The following GLIS3 variants were observed in gnomAD, a reference collection of about 807,000 sequenced individuals.
GLIS3 encodes zinc finger protein GLIS3.
A neutral mutation model predicts 78.6 loss-of-function variants in GLIS3; 53 were observed. That is an observed-to-expected ratio of 0.67 (90% CI 0.54 to 0.85). The LOEUF is 0.85. Ranked by LOEUF, GLIS3 falls within the 40% of genes least tolerant of loss-of-function variation. The pLI is 0.00. For missense variants in GLIS3, 1,703 were observed against 1,231.1 expected (o/e 1.38, Z -5.74); for synonymous variants, 684 against 509.9 (o/e 1.34, Z -4.60).
chr9:3,942,016 A>G (rs1815961128), intron 4 of GLIS3, among the ~76,000 whole-genome samples: 1 of 152,220 alleles, frequency 6.6e-6, no homozygotes, highest in African/African-American at 2.4e-5. Flanking sequence ...AAGGCTCATT[A>G]GACACCATTA....
chr9:3,946,339 G>A (rs999650457), intron 4 of GLIS3, among the ~76,000 whole-genome samples: 1 of 152,230 alleles, frequency 6.6e-6, no homozygotes, highest in East Asian at 1.9e-4. Flanking sequence ...TAAATGCTAA[G>A]GAAAATGGAG....
intron 2 of GLIS3, among the ~76,000 whole-genome samples, chr9:4,186,846 G>C (rs1333028157): frequency 6.6e-6 from 1 of 152,014 alleles, no homozygotes; most frequent in African/African-American, 2.4e-5. Flanking sequence ...TGATGGGGTT[G>C]TTTTTTTCTT....
At chr9:4,235,429 T>A (rs1451477210) in intron 2 of GLIS3, among the ~76,000 whole-genome samples, 1 of 152,210 alleles carries the variant, frequency 6.6e-6, no homozygotes, top group Non-Finnish European at 1.5e-5. Context: ...GCAACTTTTA[T>A]CAACTTTAAG....
At chr9:4,303,379 A>AAAATTTCCATTTT (rs1478595195), upstream of GLIS3, among the ~76,000 whole-genome samples, 3 of 152,110 alleles carry the variant, frequency 2.0e-5, no homozygotes, top group Non-Finnish European at 4.4e-5. Flanking sequence ...TGTAAAATGG[A>AAAATTTCCATTTT]AAATTTCCAT....
intron 9 of GLIS3, among the ~76,000 whole-genome samples, chr9:3,833,909 T>A (rs1416735249): frequency 1.3e-5 from 2 of 152,192 alleles, no homozygotes; most frequent in South Asian, 2.1e-4. Flanking sequence ...GAAGTTTTTT[T>A]TCCCCCTCCT....
chr9:4,327,851 G>A (rs1456371169), intron 2 of GLIS3, among the ~76,000 whole-genome samples: 6 of 152,214 alleles, frequency 3.9e-5, no homozygotes, highest in Admixed American at 6.5e-5. Context: ...TGAAGGTTGC[G>A]ATCAGTGACC....
chr9:4,020,181 A>G (rs182930276), intron 4 of GLIS3, among the ~76,000 whole-genome samples: 2 of 152,324 alleles, frequency 1.3e-5, no homozygotes, highest in Admixed American at 1.3e-4. Context: ...GGAACAGCCC[A>G]TGCAAGGAAG....
intron 4 of GLIS3, among the ~76,000 whole-genome samples, chr9:4,012,600 A>G (rs1040015312): frequency 6.6e-6 from 1 of 152,190 alleles, no homozygotes; most frequent in African/African-American, 2.4e-5. Flanking sequence ...ACTAGTGTGT[A>G]AAAACATTCT....
chr9:4,348,463 C>T (rs1587398178), upstream of GLIS3: 1 of 152,340 alleles, frequency 6.6e-6, no homozygotes, highest in East Asian at 1.9e-4. Context: ...AGTCAGCCCC[C>T]TTTAAGAAGT....
At chr9:3,858,814 G>C (rs12345831) in intron 8 of GLIS3, among the ~76,000 whole-genome samples, 3,828 of 152,174 alleles carry the variant, frequency 0.025, 173 homozygotes, top group African/African-American at 0.085. Flanking sequence ...AAGTAGATAG[G>C]AAGCCACCAC....
chr9:3,990,840 A>G (rs1369718598), intron 4 of GLIS3, among the ~76,000 whole-genome samples: 2 of 152,180 alleles, frequency 1.3e-5, no homozygotes, highest in African/African-American at 4.8e-5. Context: ...TAATGACAGA[A>G]CTGATTTTCT....
At chr9:4,271,069 G>A (rs544936666) in intron 2 of GLIS3, among the ~76,000 whole-genome samples, 16 of 152,074 alleles carry the variant, frequency 1.1e-4, no homozygotes, top group African/African-American at 3.9e-4. Flanking sequence ...CCTACTCAAT[G>A]TGAAGACAAT....
At chr9:4,249,490 G>C (rs927586420) in intron 2 of GLIS3, among the ~76,000 whole-genome samples, 1 of 152,196 alleles carries the variant, frequency 6.6e-6, no homozygotes, top group African/African-American at 2.4e-5. Flanking sequence ...CTTTGCTGAA[G>C]TTGCTTATCA....
At chr9:4,329,962 T>A (rs1277109580) in intron 2 of GLIS3, among the ~76,000 whole-genome samples, 4 of 150,666 alleles carry the variant, frequency 2.7e-5, no homozygotes, top group Non-Finnish European at 5.9e-5. Flanking sequence ...TCAATTAATT[T>A]CAATTAATCT....
At chr9:4,197,594 G>C (rs968354000) in intron 2 of GLIS3, among the ~76,000 whole-genome samples, 1 of 152,176 alleles carries the variant, frequency 6.6e-6, no homozygotes. Context: ...GCTCGTGCCT[G>C]CTGCTGGGGA....
the GLIS3 span, among the ~76,000 whole-genome samples, chr9:4,430,553 C>G: frequency 3.3e-5 from 5 of 152,166 alleles, no homozygotes; most frequent in Admixed American, 3.3e-4. Flanking sequence ...TTCCATGAAA[C>G]TGAGAAGCTA....
chr9:4,403,930 G>C, the GLIS3 span, among the ~76,000 whole-genome samples: 1 of 152,204 alleles, frequency 6.6e-6, no homozygotes, highest in Admixed American at 6.5e-5. Context: ...GACAGAGAGT[G>C]ACTGAATGGA....
Position 4,109,721 on chromosome 9 carries a change from G to T in GLIS3, c.1710+8047C>A, listed in dbSNP as rs375172956. On this transcript the variant is annotated intron_variant, in intron 4 of 10. Coordinates refer to ENST00000381971, the MANE Select transcript of GLIS3 (RefSeq NM_001042413.2). ...CTAAACATGATCCCTATTTGGTAGT[G>T]TAAGTCCTTCATGACTTCCTCCAGC... is the stretch of plus-strand genomic sequence containing the variant. 1.2e-4 allele frequency among the ~76,000 whole-genome samples: 19 copies of T among 152,212 alleles called. No individual in the cohort carries two copies. The East Asian group carries it at 3.1e-3, about 25-fold the overall frequency.
chr9:4,227,517 A>G (rs1212531340), intron 2 of GLIS3, among the ~76,000 whole-genome samples: 1 of 152,154 alleles, frequency 6.6e-6, no homozygotes, highest in Non-Finnish European at 1.5e-5. Flanking sequence ...AGAATACTCA[A>G]AATTCTCTGT....
Sources: gnomAD v4.1 joint callset for allele counts (sites outside exome capture counted in the v4.1 genomes callset) on GRCh38, gnomAD v4.1.1 for gene constraint, MANE v1.5 for transcripts, NCBI Gene and HGNC (gene_info 2026-07-23, HGNC 2026-07-21) for gene names.